PCDH19: variants seen among roughly 807,000 people sequenced by gnomAD.
PCDH19 encodes protocadherin-19.
Under a neutral mutation model 46.2 loss-of-function variants are expected in PCDH19, and 6 were observed. That is an observed-to-expected ratio of 0.13 (90% confidence interval 0.07 to 0.26). The LOEUF (loss-of-function observed/expected upper bound fraction) is 0.26, where lower values mean the gene tolerates loss of function less well. Ranked by LOEUF, PCDH19 falls within the 10% of genes least tolerant of loss-of-function variation. The pLI is 1.00. For synonymous variants in PCDH19, 481 were observed against 415.7 expected (o/e 1.16, Z -1.91); for missense variants, 740 against 972.3 (o/e 0.76, Z 3.18).
At chrX:100,336,862 G>C (rs1451287914) in intron 5 of PCDH19, among the ~76,000 whole-genome samples, 1 of 111,527 alleles carries the variant, frequency 9.0e-6, no homozygotes, top group Non-Finnish European at 1.9e-5. Flanking sequence ...CTGAGCTTGG[G>C]ACTAGTGTAC....
At chrX:100,386,600 A>C (rs1927723339) in intron 3 of PCDH19, among the ~76,000 whole-genome samples, 1 of 111,794 alleles carries the variant, frequency 8.9e-6, no homozygotes, top group African/African-American at 3.2e-5. Context: ...TTTCTAATCC[A>C]AACAATCTCA....
At chrX:100,380,590 C>T (rs920534067) in intron 3 of PCDH19, among the ~76,000 whole-genome samples, 1 of 111,498 alleles carries the variant, frequency 9.0e-6, no homozygotes, top group Non-Finnish European at 1.9e-5. Context: ...AACTATTCAA[C>T]AAAATGAGTT....
In PCDH19 at chrX:100,407,945, C is replaced by T. The variant is rs1210258504; in HGVS notation, c.653G>A (p.Arg218His). Reference sequence around the variant, plus strand: ...GATACTAAGGCCAACGGTGCCCAGGCGCGGCGGGTCGCCACCGTCTAGCGC... The same window carrying T: ...GATACTAAGGCCAACGGTGCCCAGGTGCGGCGGGTCGCCACCGTCTAGCGC... ...ITALDGGDPPRLGTVGLSIKV... is the reference protein window; with the variant it reads ...ITALDGGDPPHLGTVGLSIKV... The change falls in exon 1 of 6, where the codon CGC becomes CAC. Residue 218 changes from arginine to histidine, a missense_variant. Arg to His is a conservative substitution (Grantham distance 29). Coordinates refer to ENST00000373034, the MANE Select transcript of PCDH19 (RefSeq NM_001184880.2). 2 of 1,210,012 alleles carry T rather than the reference C, an allele frequency of 1.7e-6. No individual in the cohort carries two copies. The highest frequency in any genetic ancestry group is 2.2e-6 in the Non-Finnish European group (2 of 895,603).
intron 3 of PCDH19, among the ~76,000 whole-genome samples, chrX:100,370,139 AG>A (rs1047634389): frequency 5.4e-5 from 6 of 112,093 alleles, no homozygotes; most frequent in African/African-American, 1.9e-4. Flanking sequence ...TGGAAAAGAA[AG>A]GGAACAGAGC....
At chrX:100,325,369 C>CTTTTT (rs72174481) in intron 5 of PCDH19, among the ~76,000 whole-genome samples, 1 of 81,372 alleles carries the variant, frequency 1.2e-5, no homozygotes, top group Non-Finnish European at 2.3e-5. Flanking sequence ...CTATAATGAT[C>CTTTTT]TTTTTTTTTT....
intron 5 of PCDH19, among the ~76,000 whole-genome samples, chrX:100,309,555 G>C (rs1182191717): frequency 8.9e-6 from 1 of 111,732 alleles, no homozygotes; most frequent in East Asian, 2.8e-4. Context: ...TTAAAAAAAT[G>C]TTTAGAAGAG....
At chrX:100,401,709 G>C (rs1928186937) in intron 3 of PCDH19, among the ~76,000 whole-genome samples, 1 of 106,339 alleles carries the variant, frequency 9.4e-6, no homozygotes, top group Admixed American at 1.0e-4. Context: ...GAAAGAAACA[G>C]AGCTCACTCA....
chrX:100,408,893 T>C lies in PCDH19; in HGVS notation c.-296A>G, dbSNP rs1928502316. 8.8e-6 allele frequency: 1 copy of C among 113,779 alleles called. No individual in the cohort carries two copies. The highest frequency in any genetic ancestry group is 1.9e-5 in the Non-Finnish European group (1 of 54,050). 9.4% of individuals were successfully genotyped at this position (113,779 alleles called of 1,213,427 possible). ...CCTCCCTCCAGCCCGGCTACTCAGT[T>C]TTACCCCTTCAAAGTTAGCCGGGCG... On this transcript the variant is annotated 5_prime_UTR_variant, in exon 1 of 6. Transcript: ENST00000373034.
chrX:100,407,447 A>C lies in PCDH19; in HGVS notation c.1151T>G (p.Val384Gly). Residue 384 changes from valine to glycine, a missense_variant, in exon 1 of 6, where the codon GTG becomes GGG. Transcript: ENST00000373034. ...CACATTGCCCAGCAAACGGCACTGC[A>C]CACGTCCATTGAGGCCTGAGTCGCG... The part of the protein sequence containing the change: ...SDRDSGLNGR[V>G]QCRLLGNVPF... 8.2e-7 allele frequency: 1 copy of C among 1,212,127 alleles called. No homozygotes were observed. Among genetic ancestry groups the C allele is most frequent in the Admixed American group, 2.2e-5 (1 of 46,161 alleles).
rs1928363313 is a variant in PCDH19 at position 100,406,746 on chromosome X, C to T, written c.1852G>A (p.Asp618Asn). ...GTTCTGACTTCGCCATTGACCTGGT[C>T]TATTTCAAAGAAGCCGCGGTCGCCC... ...TEGDRGFFEI[D>N]QVNGEVRTTR... is the part of the protein sequence containing the mutation. The change falls in exon 1 of 6, where the codon GAC becomes AAC. Residue 618 changes from aspartate (D) to asparagine (N), a missense_variant. Physicochemically the swap from Asp to Asn is conservative, Grantham distance 23. Transcript: ENST00000373034. 3.3e-6 allele frequency: 4 copies of T among 1,210,114 alleles called. No homozygotes were observed. Among genetic ancestry groups the T allele is most frequent in the East Asian group, 5.9e-5 (2 of 33,733 alleles).
chrX:100,297,255 G>A (rs1437118097), intron 5 of PCDH19, among the ~76,000 whole-genome samples: 1 of 111,624 alleles, frequency 9.0e-6, no homozygotes, highest in Non-Finnish European at 1.9e-5. Flanking sequence ...AGGGAGTGGA[G>A]GCAGGGAAGG....
At chrX:100,357,027 A>G (rs1384838888) in intron 3 of PCDH19, among the ~76,000 whole-genome samples, 1 of 111,575 alleles carries the variant, frequency 9.0e-6, no homozygotes, top group East Asian at 2.8e-4. Context: ...TTCTTAATTT[A>G]TTCATTTATC....
intron 3 of PCDH19, among the ~76,000 whole-genome samples, chrX:100,379,557 C>T (rs1241432949): frequency 4.5e-5 from 5 of 112,044 alleles, no homozygotes; most frequent in Admixed American, 1.9e-4. Flanking sequence ...TAAAGGCTGG[C>T]TTTTGATGCG....
chrX:100,303,907 C>T (rs1170475474), intron 5 of PCDH19, among the ~76,000 whole-genome samples: 1 of 112,544 alleles, frequency 8.9e-6, no homozygotes, highest in African/African-American at 3.2e-5. Context: ...ATTCAAAACA[C>T]CTATGTGGTG....
intron 5 of PCDH19, among the ~76,000 whole-genome samples, chrX:100,322,160 G>A (rs1291935026): frequency 9.0e-6 from 1 of 110,770 alleles, no homozygotes; most frequent in Non-Finnish European, 1.9e-5. Context: ...ATGTCTAGAA[G>A]GTTTTTCCAA....
intron 3 of PCDH19, among the ~76,000 whole-genome samples, chrX:100,359,819 G>C (rs1465598166): frequency 9.1e-6 from 1 of 110,427 alleles, no homozygotes; most frequent in Non-Finnish European, 1.9e-5. Flanking sequence ...GTATGTGTGT[G>C]TGTGTGTGTC....
chrX:100,377,408 C>T (rs1435118266), intron 3 of PCDH19, among the ~76,000 whole-genome samples: 2 of 112,054 alleles, frequency 1.8e-5, no homozygotes, highest in Non-Finnish European at 3.8e-5. Context: ...CAATACTTAA[C>T]CTTCACGCAC....
rs1928530291 is a variant in PCDH19, at chrX:100,409,585, G to A, written c.-988C>T. ...GCCCCGGTCTTTCTAATGGCCGGGGGTGGCGGGGAATGGGGAAGAGGGAAG... is the reference window on the plus strand; with the variant it reads ...GCCCCGGTCTTTCTAATGGCCGGGGATGGCGGGGAATGGGGAAGAGGGAAG... On this transcript the variant is annotated 5_prime_UTR_variant, in exon 1 of 6. Transcript: ENST00000373034. 4.0e-5 allele frequency: 5 copies of A among 125,785 alleles called. No individual in the cohort carries two copies. In the South Asian group the frequency reaches 1.3e-3, roughly 32 times the overall value. The allele number at this position is 125,785 out of a possible 1,213,427, so 10.4% of individuals were successfully genotyped here.
intron 5 of PCDH19, among the ~76,000 whole-genome samples, chrX:100,331,882 A>T (rs1925882262): frequency 8.9e-6 from 1 of 112,006 alleles, no homozygotes; most frequent in African/African-American, 3.3e-5. Flanking sequence ...TAAATTACCC[A>T]GTCTCGGGCA....
Sources: allele counts gnomAD v4.1 joint callset (sites outside exome capture counted in the v4.1 genomes callset), GRCh38; gene constraint gnomAD v4.1.1; transcripts MANE v1.5; gene names NCBI Gene and HGNC (gene_info 2026-07-23, HGNC 2026-07-21).